SEPTIN14: variants seen among roughly 807,000 people sequenced by gnomAD.
SEPTIN14 encodes the protein septin 14.
In SEPTIN14, 40 loss-of-function variants were observed where a neutral mutation model predicts 53.6. The observed-to-expected ratio is 0.75, with a 90% confidence interval of 0.58 to 0.97. SEPTIN14 has a LOEUF of 0.97. SEPTIN14 is among the 50% of genes least tolerant of loss of function. The pLI is 0.00. For missense variants in SEPTIN14, 471 were observed against 508.2 expected, an observed-to-expected ratio of 0.93 and a Z score of 0.70; for synonymous variants, 138 against 166.8, an observed-to-expected ratio of 0.83 and a Z score of 1.33.
intron 2 of SEPTIN14, among the ~76,000 whole-genome samples, chr7:55,860,699 G>A (rs1440633879): frequency 6.6e-6 from 1 of 152,006 alleles, no homozygotes; most frequent in Non-Finnish European, 1.5e-5. Context: ...AAAACAGAGG[G>A]GTCCTTGGAG....
intron 4 of SEPTIN14, among the ~76,000 whole-genome samples, chr7:55,843,661 G>C (rs1012463455): frequency 1.3e-5 from 2 of 152,126 alleles, no homozygotes; most frequent in Non-Finnish European, 2.9e-5. Context: ...GTGAAACCCT[G>C]TCTCTGCTAA....
At chr7:55,837,205 TC>T (rs1466241631) in intron 5 of SEPTIN14, among the ~76,000 whole-genome samples, 5 of 150,958 alleles carry the variant, frequency 3.3e-5, no homozygotes, top group African/African-American at 1.2e-4. Flanking sequence ...AGCCTCAACC[TC>T]CCGGGCTGAA....
At chr7:55,850,214 G>A (rs1447130198) in intron 2 of SEPTIN14, among the ~76,000 whole-genome samples, 2 of 152,180 alleles carry the variant, frequency 1.3e-5, no homozygotes, top group Non-Finnish European at 2.9e-5. Context: ...GCTCATGCCT[G>A]TATCCTAGCA....
At chr7:55,849,202 G>C (rs1299449135) in intron 2 of SEPTIN14, among the ~76,000 whole-genome samples, 1 of 151,826 alleles carries the variant, frequency 6.6e-6, no homozygotes, top group East Asian at 2.0e-4. Context: ...GCAGGAGCCT[G>C]TAATCCCAGC....
intron 6 of SEPTIN14, among the ~76,000 whole-genome samples, chr7:55,832,835 G>A (rs1789133619): frequency 6.6e-6 from 1 of 151,968 alleles, no homozygotes; most frequent in Non-Finnish European, 1.5e-5. Context: ...GGGCAACAGA[G>A]TGAGATCATG....
intron 5 of SEPTIN14, among the ~76,000 whole-genome samples, 179 bp downstream of exon 5, chr7:55,842,763 A>G (rs938340260): frequency 3.9e-5 from 6 of 152,072 alleles, no homozygotes; most frequent in Admixed American, 3.9e-4. Flanking sequence ...ATACAAAAAA[A>G]TTAGCCGGGC....
intron 6 of SEPTIN14, among the ~76,000 whole-genome samples, chr7:55,827,312 C>A (rs1789006173): frequency 1.3e-5 from 2 of 152,184 alleles, no homozygotes. Flanking sequence ...AGCCACAGGG[C>A]TGTCTGTATT....
Position 55,842,934 on chromosome 7 carries a change from A to C in SEPTIN14, c.558+8T>G. On this transcript the variant is annotated splice_region_variant and intron_variant, in intron 5 of 9. Transcript: ENST00000388975. ...AAAAAAAAAAGATGGTAGATTTACC[A>C]AACATACCTTACTGTCAAGGTTCTT... 6.7e-7 allele frequency: 1 copy of C among 1,487,136 alleles called. No individual in the cohort carries two copies. The highest frequency in any genetic ancestry group is 9.0e-7 in the Non-Finnish European group (1 of 1,117,000). 92.1% of individuals were successfully genotyped at this position (1,487,136 alleles called of 1,614,324 possible).
At chr7:55,807,303 C>T (rs1788626426) in intron 7 of SEPTIN14, 45 bp from the exon 8 acceptor site, 1 of 1,268,564 alleles carries the variant, frequency 7.9e-7, no homozygotes, top group Non-Finnish European at 1.1e-6. Context: ...AGTATCAATC[C>T]CTGACAATCA....
At chr7:55,827,681 C>T (rs1383760402) in intron 6 of SEPTIN14, among the ~76,000 whole-genome samples, 3 of 152,198 alleles carry the variant, frequency 2.0e-5, no homozygotes, top group Non-Finnish European at 4.4e-5. Flanking sequence ...GAACAGGCAA[C>T]TCAGAGTCTA....
intron 2 of SEPTIN14, among the ~76,000 whole-genome samples, chr7:55,853,716 G>A (rs1789557519): frequency 6.6e-6 from 1 of 152,166 alleles, no homozygotes; most frequent in Non-Finnish European, 1.5e-5. Context: ...ACTTAAGGTA[G>A]TGGATACTCC....
intron 4 of SEPTIN14, among the ~76,000 whole-genome samples, chr7:55,844,249 T>C (rs575277300): frequency 6.6e-6 from 1 of 152,044 alleles, no homozygotes; most frequent in African/African-American, 2.4e-5. Flanking sequence ...CTACGGAAAA[T>C]TTGTACAAAT....
chr7:55,812,269 C>CTGTCATG (rs1788716279), intron 7 of SEPTIN14, among the ~76,000 whole-genome samples: 2 of 152,110 alleles, frequency 1.3e-5, no homozygotes, highest in African/African-American at 4.8e-5. Context: ...GAATGAAATC[C>CTGTCATG]TGTCATGTGT....
intron 8 of SEPTIN14, 66 bp downstream of exon 8, chr7:55,807,024 C>A: frequency 8.8e-7 from 1 of 1,142,262 alleles, no homozygotes; most frequent in South Asian, 1.8e-5. Flanking sequence ...TCCAAATTAT[C>A]ATACCTTGTG....
chr7:55,807,154 A>T lies in SEPTIN14; in HGVS notation c.922T>A (p.Tyr308Asn), dbSNP rs750562976. Residue 308 changes from tyrosine to asparagine, a missense_variant, in exon 8 of 10, where the codon TAT (tyrosine) becomes AAT (asparagine). Transcript: ENST00000388975. ...EKTHTQHYEC[Y>N]RYQKLQKMGF... The stretch of plus-strand genomic sequence containing the variant: ...ATTTTCTGCAGTTTTTGGTACCTAT[A>T]ACATTCATAGTGCTGAGTGTGGGTT... 1 of 1,610,262 alleles carries T rather than the reference A, an allele frequency of 6.2e-7. No individual in the cohort carries two copies. Among genetic ancestry groups the T allele is most frequent in the Non-Finnish European group, 8.5e-7 (1 of 1,178,702 alleles).
chr7:55,847,172 C>T (rs1267688631), intron 2 of SEPTIN14, among the ~76,000 whole-genome samples: 2 of 152,072 alleles, frequency 1.3e-5, no homozygotes, highest in Admixed American at 6.6e-5. Context: ...CACACCACTG[C>T]ACTCCAGCCT....
At position 55,834,701 on chromosome 7, in the gene SEPTIN14, G is replaced by A. The variant is rs6946383; in HGVS notation, c.559-115C>T. On this transcript the variant is annotated intron_variant, in intron 5 of 9. Coordinates refer to ENST00000388975, the MANE Select transcript of SEPTIN14 (RefSeq NM_207366.3). ...TTTGTCGCCCAGGCTGGAGTGCAGG[G>A]GCACGATCTCGGCTCACTGCAAGCT... 4,085 of 741,802 alleles carry A rather than the reference G, an allele frequency of 5.5e-3. 37 individuals are homozygous for A. Among genetic ancestry groups the A allele is most frequent in the African/African-American group, 0.03 (1,689 of 55,886 alleles). The allele number at this position is 741,802 out of a possible 1,614,324, so 46.0% of individuals were successfully genotyped here. A position where few individuals can be genotyped will look rare whatever the true frequency, so the allele number is the denominator to read the frequency against.
chr7:55,823,278 C>A (rs150137664), intron 6 of SEPTIN14, among the ~76,000 whole-genome samples: 2,196 of 152,218 alleles, frequency 0.014, 60 homozygotes, highest in African/African-American at 0.049. Context: ...TTTGTTTTAA[C>A]CTTTTTGCAT....
chr7:55,802,550 G>GAA (rs143926281), intron 9 of SEPTIN14, among the ~76,000 whole-genome samples: 1 of 143,936 alleles, frequency 6.9e-6, no homozygotes, highest in Non-Finnish European at 1.5e-5. Flanking sequence ...ACCACATGCA[G>GAA]AAAAAAAAAT....
Sources: gnomAD v4.1 joint callset for allele counts (sites outside exome capture counted in the v4.1 genomes callset) on GRCh38, gnomAD v4.1.1 for gene constraint, MANE v1.5 for transcripts, NCBI Gene and HGNC (gene_info 2026-07-23, HGNC 2026-07-21) for gene names.